The following KSR2 variants were observed in gnomAD, a reference collection of about 807,000 sequenced individuals.
The protein encoded by KSR2 is kinase suppressor of ras 2.
Under a neutral mutation model 107.8 loss-of-function variants are expected in KSR2, and 25 were observed. That is an observed-to-expected ratio of 0.23 (90% CI 0.17 to 0.32). The LOEUF is 0.32. Among genes scored for constraint, KSR2 ranks in the 10% least tolerant of loss-of-function variants. The probability of loss-of-function intolerance (pLI) is 1.00; values close to 1 mark genes in which losing one functional copy is unlikely to be tolerated. For missense variants in KSR2, 887 were observed against 1,268.9 expected (o/e 0.70, Z 4.57); for synonymous variants, 480 against 507.0 (o/e 0.95, Z 0.71).
chr12:117,966,024 G>A (rs946560918), intron 1 of KSR2, among the ~76,000 whole-genome samples: 2 of 151,928 alleles, frequency 1.3e-5, no homozygotes, highest in Non-Finnish European at 2.9e-5. Flanking sequence ...TGCATGCTCT[G>A]TAGCATACTG....
intron 16 of KSR2, among the ~76,000 whole-genome samples, chr12:117,478,303 G>T (rs1161698835): frequency 6.6e-6 from 1 of 152,128 alleles, no homozygotes; most frequent in Non-Finnish European, 1.5e-5. Flanking sequence ...AGCATTATGC[G>T]ATAGAACTTT....
At chr12:117,852,729 G>A (rs538621619) in intron 3 of KSR2, among the ~76,000 whole-genome samples, 35 of 152,214 alleles carry the variant, frequency 2.3e-4, no homozygotes, top group South Asian at 1.2e-3. Flanking sequence ...GCATTGTGCC[G>A]GCATAAATTG....
chr12:117,566,689 G>A lies in KSR2; in HGVS notation c.1326-8116C>T, dbSNP rs569043670. Reference sequence around the variant, plus strand: ...GGCAGAATTGGGACAATTCATCCCTGCATGCCCACAAGAAGACACTGTGTT... The same window carrying A: ...GGCAGAATTGGGACAATTCATCCCTACATGCCCACAAGAAGACACTGTGTT... On this transcript the variant is annotated intron_variant, in intron 7 of 19. Coordinates refer to ENST00000339824, the MANE Select transcript of KSR2 (RefSeq NM_173598.6). Among the ~76,000 whole-genome samples, 39 of 152,292 alleles carry A rather than the reference G, an allele frequency of 2.6e-4. 2 individuals carry two copies. The South Asian group carries it at 8.1e-3, about 32-fold the overall frequency.
chr12:117,591,492 G>A (rs986798204), intron 5 of KSR2, among the ~76,000 whole-genome samples: 1 of 152,134 alleles, frequency 6.6e-6, no homozygotes, highest in African/African-American at 2.4e-5. Context: ...ATGAGATAGA[G>A]ATAGGAGATG....
intron 1 of KSR2, among the ~76,000 whole-genome samples, chr12:117,889,065 G>A (rs1194148659): frequency 6.6e-6 from 1 of 152,170 alleles, no homozygotes; most frequent in East Asian, 1.9e-4. Flanking sequence ...GGAAACCAAA[G>A]TGCAATCAGG....
At chr12:117,505,358 T>C (rs1873614744) in intron 14 of KSR2, among the ~76,000 whole-genome samples, 1 of 152,200 alleles carries the variant, frequency 6.6e-6, no homozygotes, top group African/African-American at 2.4e-5. Context: ...AGGCAGCACA[T>C]GGTGGATGTC....
At chr12:117,932,265 T>G (rs1263379378) in intron 1 of KSR2, among the ~76,000 whole-genome samples, 2 of 152,112 alleles carry the variant, frequency 1.3e-5, no homozygotes, top group Non-Finnish European at 2.9e-5. Context: ...CCAGCTTGGG[T>G]GACAAAAGCA....
At chr12:117,847,273 G>A (rs1892739656) in intron 3 of KSR2, among the ~76,000 whole-genome samples, 1 of 152,252 alleles carries the variant, frequency 6.6e-6, no homozygotes, top group East Asian at 1.9e-4. Flanking sequence ...AGACCGTACG[G>A]TGGCAGGCGG....
At chr12:117,491,432 G>A (rs547195283) in intron 14 of KSR2, among the ~76,000 whole-genome samples, 4 of 152,012 alleles carry the variant, frequency 2.6e-5, no homozygotes, top group East Asian at 3.9e-4. Context: ...CCCCCATCTC[G>A]GCCTCCCAAA....
intron 3 of KSR2, among the ~76,000 whole-genome samples, chr12:117,833,351 C>T (rs754006796): frequency 2.6e-5 from 4 of 152,032 alleles, no homozygotes; most frequent in African/African-American, 9.7e-5. Context: ...GACAGGAGTG[C>T]ATTTGGGGGT....
At chr12:117,511,230 C>T (rs1020558141) in intron 14 of KSR2, among the ~76,000 whole-genome samples, 1 of 152,358 alleles carries the variant, frequency 6.6e-6, no homozygotes, top group African/African-American at 2.4e-5. Context: ...TCCACAAGGC[C>T]AGGCACTGGC....
chr12:117,465,779 G>T lies in KSR2; in HGVS notation c.*1420C>A, dbSNP rs1871118057. 9.5e-6 allele frequency: 1 copy of T among 104,924 alleles called. No homozygotes were observed. The highest frequency in any genetic ancestry group is 3.7e-4 in the East Asian group (1 of 2,680). The allele number at this position is 104,924 out of a possible 1,614,324, so 6.5% of individuals were successfully genotyped here. A position where few individuals can be genotyped will look rare whatever the true frequency, so the allele number is the denominator to read the frequency against. ...TCACTGCCCAGATAATCCTGCTATT[G>T]CTCTGCTTGGGGACAGATTTCCCTT... On this transcript the variant is annotated 3_prime_UTR_variant, in exon 20 of 20. Transcript: ENST00000339824.
chr12:117,822,032 A>G (rs1426973821), intron 3 of KSR2, among the ~76,000 whole-genome samples: 1 of 152,092 alleles, frequency 6.6e-6, no homozygotes, highest in Non-Finnish European at 1.5e-5. Context: ...ACTCACCAAA[A>G]CCAAGATAGC....
intron 4 of KSR2, among the ~76,000 whole-genome samples, chr12:117,700,885 T>C (rs1002284687): frequency 6.6e-6 from 1 of 152,132 alleles, no homozygotes; most frequent in Non-Finnish European, 1.5e-5. Context: ...TGATTCCAGA[T>C]GGTAAAAAGG....
intron 5 of KSR2, among the ~76,000 whole-genome samples, chr12:117,588,910 A>T (rs1276654129): frequency 6.6e-6 from 1 of 152,216 alleles, no homozygotes; most frequent in Non-Finnish European, 1.5e-5. Flanking sequence ...TGAGCATGAG[A>T]GCAATGCTCA....
intron 5 of KSR2, among the ~76,000 whole-genome samples, chr12:117,635,419 T>C (rs1198776645): frequency 1.3e-5 from 2 of 152,202 alleles, no homozygotes; most frequent in Non-Finnish European, 2.9e-5. Context: ...GTTTTTCCTC[T>C]AACTAGTGAG....
chr12:117,932,057 C>A (rs1426420380), intron 1 of KSR2, among the ~76,000 whole-genome samples: 3 of 151,672 alleles, frequency 2.0e-5, no homozygotes, highest in African/African-American at 7.3e-5. Context: ...GAGGCTAAGG[C>A]GGGTGGATCG....
intron 5 of KSR2, among the ~76,000 whole-genome samples, chr12:117,666,157 T>A (rs1248791464): frequency 2.6e-5 from 4 of 152,166 alleles, no homozygotes; most frequent in African/African-American, 9.7e-5. Context: ...CTAACTGATG[T>A]CCACATGGTT....
In KSR2 at chr12:117,797,044, A is replaced by G. The variant is rs137975360; in HGVS notation, c.473-35520T>C. Among the ~76,000 whole-genome samples, 213 of 152,338 alleles carry G rather than the reference A, an allele frequency of 1.4e-3. 1 individual carries two copies. Among genetic ancestry groups the G allele is most frequent in the African/African-American group, 4.8e-3 (199 of 41,582 alleles). On this transcript the variant is annotated intron_variant, in intron 3 of 19. Transcript: ENST00000339824. ...CTGATCCCCAGAGCTCACCATGCGG[A>G]TGGGGAAGAGATCATCACACAAAGA...
Sources: gnomAD v4.1 joint callset for allele counts (sites outside exome capture counted in the v4.1 genomes callset) on GRCh38, gnomAD v4.1.1 for gene constraint, MANE v1.5 for transcripts, NCBI Gene and HGNC (gene_info 2026-07-23, HGNC 2026-07-21) for gene names.